The following PRLR variants were observed in gnomAD, a reference collection of about 807,000 sequenced individuals.
The protein encoded by PRLR is hPRL receptor.
In PRLR, 13 loss-of-function variants were observed where a neutral mutation model predicts 40.2. The observed-to-expected ratio is 0.32, with a 90% confidence interval of 0.21 to 0.51. PRLR has a LOEUF of 0.51. Among genes scored for constraint, PRLR ranks in the 20% least tolerant of loss-of-function variants. PRLR has a pLI of 0.97. For missense variants in PRLR, 656 were observed against 747.3 expected (o/e 0.88, Z 1.42); for synonymous variants, 269 against 278.7 (o/e 0.97, Z 0.35).
At chr5:35,180,783 T>A (rs993034802) in intron 1 of PRLR, among the ~76,000 whole-genome samples, 2 of 152,164 alleles carry the variant, frequency 1.3e-5, no homozygotes, top group African/African-American at 4.8e-5. Context: ...CCCCACCCTG[T>A]GTCCAAGTGT....
At chr5:35,079,377 A>G (rs1379860294) in intron 5 of PRLR, among the ~76,000 whole-genome samples, 4 of 152,228 alleles carry the variant, frequency 2.6e-5, no homozygotes, top group Non-Finnish European at 5.9e-5. Context: ...TACAAAATCA[A>G]TGTGCAAAAG....
chr5:35,083,229 C>T (rs1332430543), intron 5 of PRLR, among the ~76,000 whole-genome samples: 2 of 152,114 alleles, frequency 1.3e-5, no homozygotes, highest in Non-Finnish European at 2.9e-5. Flanking sequence ...TGGGGCTCTC[C>T]AGAACATTGT....
At chr5:35,156,140 C>CA (rs74414532) in intron 1 of PRLR, among the ~76,000 whole-genome samples, 7,646 of 134,470 alleles carry the variant, frequency 0.057, 326 homozygotes, top group African/African-American at 0.1. Flanking sequence ...AAAAAAAAAA[C>CA]AAAAAAAAAA....
intron 1 of PRLR, among the ~76,000 whole-genome samples, chr5:35,211,399 A>C (rs1014624225): frequency 2.0e-5 from 3 of 152,224 alleles, no homozygotes; most frequent in African/African-American, 7.2e-5. Flanking sequence ...AGAGACAGTG[A>C]TGGAGGCATA....
At chr5:35,206,853 CA>C (rs1776033489) in intron 1 of PRLR, among the ~76,000 whole-genome samples, 2 of 151,878 alleles carry the variant, frequency 1.3e-5, no homozygotes, top group African/African-American at 2.4e-5. Flanking sequence ...GAAAGAAGAT[CA>C]AATTAATATA....
chr5:35,093,935 A>G (rs1468631422), intron 2 of PRLR, among the ~76,000 whole-genome samples: 2 of 152,236 alleles, frequency 1.3e-5, no homozygotes, highest in Admixed American at 1.3e-4. Flanking sequence ...AGGCTATGTC[A>G]TCTAGCCTAG....
rs1433925600 is a variant in PRLR, at chr5:35,063,397, T to C, written c.*1692A>G. On this transcript the variant is annotated 3_prime_UTR_variant, in exon 10 of 10. Coordinates refer to ENST00000618457, the MANE Select transcript of PRLR (RefSeq NM_000949.7). The stretch of plus-strand genomic sequence containing the variant: ...CCAGCTAGTAAATGGACATATAGAA[T>C]GGATTTACCATCAAGTGAAGGGAAA... The C allele has an allele frequency of 1.3e-5, 2 of 152,136 alleles. No homozygotes were observed. The highest frequency in any genetic ancestry group is 2.9e-5 in the Non-Finnish European group (2 of 68,028). 9.4% of individuals were successfully genotyped at this position (152,136 alleles called of 1,614,324 possible).
At position 35,080,098 on chromosome 5, in the gene PRLR, C is replaced by G. The variant is rs1218844637; in HGVS notation, c.373+4372G>C. ...ACCATAAAAAAATCTAGAAGAAAACCTAGGCAATACCATTCAGGACATAGG... is the reference window on the plus strand; with the variant it reads ...ACCATAAAAAAATCTAGAAGAAAACGTAGGCAATACCATTCAGGACATAGG... On this transcript the variant is annotated intron_variant, in intron 5 of 9. Transcript: ENST00000618457. Among the ~76,000 whole-genome samples, 3 of 152,058 alleles carry G rather than the reference C, an allele frequency of 2.0e-5. No homozygotes were observed. The East Asian group carries it at 5.8e-4, about 29-fold the overall frequency.
chr5:35,187,019 C>A (rs1292720957), intron 1 of PRLR, among the ~76,000 whole-genome samples: 1 of 152,114 alleles, frequency 6.6e-6, no homozygotes, highest in Non-Finnish European at 1.5e-5. Flanking sequence ...ACCAAACCAG[C>A]AAAGTTCTGG....
intron 8 of PRLR, 83 bp downstream of exon 8, chr5:35,068,696 T>C: frequency 9.2e-7 from 1 of 1,086,366 alleles, no homozygotes; most frequent in Admixed American, 1.9e-5. Flanking sequence ...TATCTACAGG[T>C]TTCCATCATC....
At position 35,184,277 on chromosome 5, in the gene PRLR, G is replaced by A. The variant is rs183962137; in HGVS notation, c.-106+45991C>T. Among the ~76,000 whole-genome samples the A allele has an allele frequency of 2.6e-4, 39 of 152,302 alleles. No individual in the cohort carries two copies. The East Asian group carries it at 7.5e-3, about 29-fold the overall frequency. ...GTCTGTAATCCTAGCACTCTGGGAGGCTGAGGTGGGAGGATTGCCTGAGCT... is the reference window on the plus strand; with the variant it reads ...GTCTGTAATCCTAGCACTCTGGGAGACTGAGGTGGGAGGATTGCCTGAGCT... On this transcript the variant is annotated intron_variant, in intron 1 of 9. Transcript: ENST00000618457.
intron 3 of PRLR, among the ~76,000 whole-genome samples, chr5:35,088,981 C>T (rs1003723581): frequency 8.5e-5 from 13 of 152,164 alleles, no homozygotes; most frequent in African/African-American, 3.1e-4. Context: ...TAGAAGTCTG[C>T]ACACCCAGAA....
At chr5:35,214,958 G>A (rs1776250863) in intron 1 of PRLR, among the ~76,000 whole-genome samples, 1 of 152,176 alleles carries the variant, frequency 6.6e-6, no homozygotes, top group Non-Finnish European at 1.5e-5. Flanking sequence ...CAACCTCCTA[G>A]ATCCCTGCTG....
At position 35,145,396 on chromosome 5, in the gene PRLR, G is replaced by A. The variant is rs992726056; in HGVS notation, c.-105-27274C>T. On this transcript the variant is annotated intron_variant, in intron 1 of 9. Transcript: ENST00000618457. ...AATTTATGTCTACTGCACACCAAAT[G>A]ACTTCTTTCCTTTCCAGCTAAGGGA... 2.0e-5 allele frequency among the ~76,000 whole-genome samples: 3 copies of A among 152,162 alleles called. 1 individual carries two copies. In the South Asian group the frequency reaches 6.2e-4, roughly 31 times the overall value.
chr5:35,177,248 T>A (rs1775175468), intron 1 of PRLR, among the ~76,000 whole-genome samples: 1 of 152,158 alleles, frequency 6.6e-6, no homozygotes, highest in Non-Finnish European at 1.5e-5. Flanking sequence ...CCGGGTCCCC[T>A]TATTTCTTTC....
At chr5:35,138,338 A>G (rs1377075368) in intron 1 of PRLR, among the ~76,000 whole-genome samples, 1 of 152,276 alleles carries the variant, frequency 6.6e-6, no homozygotes, top group Admixed American at 6.5e-5. Context: ...TAGTTAAGAC[A>G]GTAAATACTA....
At chr5:35,156,113 C>T (rs1323277302) in intron 1 of PRLR, among the ~76,000 whole-genome samples, 1 of 148,066 alleles carries the variant, frequency 6.8e-6, no homozygotes, top group Non-Finnish European at 1.5e-5. Flanking sequence ...CTCCATCTCT[C>T]CAGTTGCTCA....
chr5:35,198,197 T>C (rs899103534), intron 1 of PRLR, among the ~76,000 whole-genome samples: 9 of 152,358 alleles, frequency 5.9e-5, no homozygotes, highest in Middle Eastern at 3.4e-3. Context: ...CCGACTGCAA[T>C]GCTGCTGGCA....
chr5:35,165,937 C>T (rs1004390484), intron 1 of PRLR, among the ~76,000 whole-genome samples: 1 of 152,172 alleles, frequency 6.6e-6, no homozygotes, highest in Non-Finnish European at 1.5e-5. Flanking sequence ...CAAGCTCTTT[C>T]AGACAATCTT....
Sources: allele counts gnomAD v4.1 joint callset (sites outside exome capture counted in the v4.1 genomes callset), GRCh38; gene constraint gnomAD v4.1.1; transcripts MANE v1.5; gene names NCBI Gene and HGNC (gene_info 2026-07-23, HGNC 2026-07-21).